SPATA31H1: variants seen among roughly 807,000 people sequenced by gnomAD.
The protein encoded by SPATA31H1 is spermatogenesis-associated protein 31H1.
chr2:27,553,480 A>C, the SPATA31H1 span, among the ~76,000 whole-genome samples: 1 of 152,094 alleles, frequency 6.6e-6, no homozygotes, highest in Non-Finnish European at 1.5e-5. Context: ...CTTTGAATAC[A>C]CTTTCTCATT....
chr2:27,549,184 T>C, the SPATA31H1 span, among the ~76,000 whole-genome samples: 124 of 151,830 alleles, frequency 8.2e-4, 3 homozygotes, highest in African/African-American at 3.0e-3. Flanking sequence ...CCTTATGTCC[T>C]GTATGTTTTG....
At chr2:27,550,939 G>C in the SPATA31H1 span, among the ~76,000 whole-genome samples, 1 of 151,424 alleles carries the variant, frequency 6.6e-6, no homozygotes, top group East Asian at 1.9e-4. Flanking sequence ...ACCCAGGTTG[G>C]AGTGCAGTGG....
chr2:27,574,523 C>A, the SPATA31H1 span: 1 of 398,358 alleles, frequency 2.5e-6, no homozygotes. Flanking sequence ...CTATGAAGTT[C>A]AGTTCTGGAC....
chr2:27,575,404 AG>A, the SPATA31H1 span: 1 of 398,422 alleles, frequency 2.5e-6, no homozygotes, highest in African/African-American at 2.1e-5. The surrounding 1 kb of genome is among the most constrained non-coding windows in gnomAD (Gnocchi z 4.1). Flanking sequence ...ACAGGGACAA[AG>A]CTTCAAGATG....
the SPATA31H1 span, among the ~76,000 whole-genome samples, chr2:27,556,060 A>G: frequency 3.5e-5 from 5 of 141,536 alleles, no homozygotes; most frequent in African/African-American, 1.3e-4. Flanking sequence ...TGAATTGGGG[A>G]GGCGGAGGTT....
chr2:27,556,657 C>T, the SPATA31H1 span, among the ~76,000 whole-genome samples: 10 of 145,198 alleles, frequency 6.9e-5, no homozygotes, highest in South Asian at 2.2e-4. Flanking sequence ...TTCTCCATCT[C>T]GTCATCTAAT....
the SPATA31H1 span, among the ~76,000 whole-genome samples, chr2:27,549,060 G>GAGA: frequency 7.5e-6 from 1 of 133,470 alleles, no homozygotes; most frequent in East Asian, 2.2e-4. Context: ...GCAACAGAGT[G>GAGA]AGACTCCGTC....
chr2:27,582,296 C>T, the SPATA31H1 span: 2 of 1,613,450 alleles, frequency 1.2e-6, no homozygotes, highest in East Asian at 4.5e-5. Flanking sequence ...GTGAGAGAAC[C>T]CGTCACAGTC....
At chr2:27,543,987 C>G in the SPATA31H1 span, among the ~76,000 whole-genome samples, 1 of 151,790 alleles carries the variant, frequency 6.6e-6, no homozygotes, top group African/African-American at 2.4e-5. Context: ...AAAACTAAGT[C>G]CCTGCTGTGC....
chr2:27,564,923 T>C, the SPATA31H1 span, among the ~76,000 whole-genome samples: 1 of 149,494 alleles, frequency 6.7e-6, no homozygotes, highest in Admixed American at 6.6e-5. Context: ...ATTAAAATTC[T>C]ACCATTAGGC....
At chr2:27,546,289 T>C in the SPATA31H1 span, among the ~76,000 whole-genome samples, 1 of 151,832 alleles carries the variant, frequency 6.6e-6, no homozygotes, top group African/African-American at 2.4e-5. Context: ...GCCATGAAGA[T>C]ACCCTTCTAT....
chr2:27,562,298 G>A, the SPATA31H1 span, among the ~76,000 whole-genome samples: 1 of 151,714 alleles, frequency 6.6e-6, no homozygotes, highest in East Asian at 1.9e-4. Context: ...TATGAATTGG[G>A]AATGCATTAA....
At chr2:27,560,551 G>A in the SPATA31H1 span, among the ~76,000 whole-genome samples, 87,083 of 150,914 alleles carry the variant, frequency 0.58, 25,817 homozygotes, top group East Asian at 0.84. Flanking sequence ...TCAGCCTCCC[G>A]GGTTCACGCC....
At chr2:27,538,780 G>A in the SPATA31H1 span, among the ~76,000 whole-genome samples, 1 of 151,958 alleles carries the variant, frequency 6.6e-6, no homozygotes, top group African/African-American at 2.4e-5. Flanking sequence ...GCAGTGAGCT[G>A]AGACCACGCC....
At chr2:27,577,836 A>C in the SPATA31H1 span, 9 of 1,614,172 alleles carry the variant, frequency 5.6e-6, no homozygotes, top group East Asian at 1.8e-4. This position sits in a 1 kb window ranked among gnomAD's most constrained non-coding sequence, Gnocchi z 4.5. Flanking sequence ...GGTGCCCCTG[A>C]AGCAAACAAG....
the SPATA31H1 span, chr2:27,582,665 G>T: frequency 2.5e-6 from 2 of 814,024 alleles, no homozygotes; most frequent in African/African-American, 3.5e-5. Flanking sequence ...TACCGGGGGG[G>T]AGGCGGGTGA....
At chr2:27,579,947 C>T in the SPATA31H1 span, 2 of 1,614,186 alleles carry the variant, frequency 1.2e-6, no homozygotes, top group South Asian at 2.2e-5. Flanking sequence ...TACAGTGTGG[C>T]CGATGTTCAG....
chr2:27,581,780 T>C, the SPATA31H1 span: 1 of 1,610,904 alleles, frequency 6.2e-7, no homozygotes, highest in Non-Finnish European at 8.5e-7. Context: ...GCCATCACAG[T>C]CCCTCTGAGA....
chr2:27,579,726 TCA>T, the SPATA31H1 span: 1 of 1,614,192 alleles, frequency 6.2e-7, no homozygotes, highest in Non-Finnish European at 8.5e-7. Flanking sequence ...AAGTGAGGAC[TCA>T]CAGAGTGATT....
Sources: allele counts gnomAD v4.1 joint callset (sites outside exome capture counted in the v4.1 genomes callset), GRCh38; gene constraint gnomAD v4.1.1; non-coding constraint Gnocchi (gnomAD v3.1); transcripts MANE v1.5; gene names NCBI Gene and HGNC (gene_info 2026-07-23, HGNC 2026-07-21).